The following ADAMTS6 variants were observed in gnomAD, a reference collection of about 807,000 sequenced individuals.
ADAMTS6 encodes ADAM metallopeptidase with thrombospondin type 1 motif 6.
In ADAMTS6, 23 loss-of-function variants were observed where a neutral mutation model predicts 144.3. The observed-to-expected ratio is 0.16, with a 90% confidence interval of 0.11 to 0.23. ADAMTS6 has a LOEUF of 0.23. ADAMTS6 is among the 10% of genes least tolerant of loss of function. The pLI is 1.00. For missense variants in ADAMTS6, 999 were observed against 1,379.6 expected, an observed-to-expected ratio of 0.72 and a Z score of 4.37; for synonymous variants, 444 against 457.5, an observed-to-expected ratio of 0.97 and a Z score of 0.38.
intron 15 of ADAMTS6, among the ~76,000 whole-genome samples, chr5:65,240,893 C>T (rs952369955): frequency 6.6e-6 from 1 of 152,118 alleles, no homozygotes; most frequent in Non-Finnish European, 1.5e-5. Context: ...TGGTCAAAAA[C>T]CAGAGAAAGC....
At chr5:65,208,812 T>C (rs975068488) in intron 20 of ADAMTS6, among the ~76,000 whole-genome samples, 3 of 152,222 alleles carry the variant, frequency 2.0e-5, no homozygotes, top group East Asian at 3.8e-4. Context: ...GATTATTACC[T>C]AAAAGACTTG....
intron 7 of ADAMTS6, among the ~76,000 whole-genome samples, chr5:65,387,463 A>G (rs1260795261): frequency 1.3e-5 from 2 of 152,204 alleles, no homozygotes; most frequent in East Asian, 3.9e-4. Context: ...TTTTAAATTA[A>G]AAGTTTAAAA....
chr5:65,213,626 A>G (rs943425986), intron 20 of ADAMTS6, among the ~76,000 whole-genome samples: 5 of 150,946 alleles, frequency 3.3e-5, no homozygotes, highest in Admixed American at 2.0e-4. Context: ...CAGAGCAAAA[A>G]CCTGTCTCAA....
In ADAMTS6 at chr5:65,458,928, A is replaced by G. The variant is rs141744435; in HGVS notation, c.631+1242T>C. Reference sequence around the variant, plus strand: ...TGGGTAACTAGTATGTGCTAAGATGAGCACTCAGAGAGGTTGGGTAATTCG... The same window carrying G: ...TGGGTAACTAGTATGTGCTAAGATGGGCACTCAGAGAGGTTGGGTAATTCG... On this transcript the variant is annotated intron_variant, in intron 4 of 24. Transcript: ENST00000381055. Among the ~76,000 whole-genome samples the G allele has an allele frequency of 4.5e-3, 689 of 152,328 alleles. 5 individuals are homozygous for G. The highest frequency in any genetic ancestry group is 0.015 in the African/African-American group (632 of 41,584).
Position 65,247,250 on chromosome 5 carries a change from T to C in ADAMTS6, c.1831-5044A>G, listed in dbSNP as rs561059403. On this transcript the variant is annotated intron_variant, in intron 14 of 24. Transcript: ENST00000381055. ...ATAGCATCTTTATCACCACTCTCTT[T>C]CCCAGAGATCTGTATAAGTTAACAA... Among the ~76,000 whole-genome samples the C allele has an allele frequency of 2.9e-4, 44 of 152,350 alleles. No individual in the cohort carries two copies. In the East Asian group the frequency reaches 8.3e-3, roughly 29 times the overall value.
At chr5:65,357,543 A>C (rs1004379670) in intron 7 of ADAMTS6, among the ~76,000 whole-genome samples, 2 of 151,816 alleles carry the variant, frequency 1.3e-5, no homozygotes, top group Non-Finnish European at 3.0e-5. Context: ...AAACAATAAA[A>C]AAGATCAATG....
intron 7 of ADAMTS6, among the ~76,000 whole-genome samples, chr5:65,427,152 A>G (rs1035697158): frequency 7.9e-5 from 12 of 152,204 alleles, no homozygotes; most frequent in African/African-American, 2.9e-4. Flanking sequence ...TAAAAATGCC[A>G]CTTCAAAATA....
chr5:65,460,070 T>C, intron 4 of ADAMTS6, 100 bp downstream of exon 4: 1 of 1,324,380 alleles, frequency 7.6e-7, no homozygotes, highest in Non-Finnish European at 1.0e-6. Context: ...GTAGTCAAAC[T>C]CCTACTTCCT....
chr5:65,280,696 T>G (rs1330097882), intron 11 of ADAMTS6, among the ~76,000 whole-genome samples: 1 of 152,206 alleles, frequency 6.6e-6, no homozygotes, highest in Non-Finnish European at 1.5e-5. Context: ...TTTAGTTGAG[T>G]TTATTAGTTT....
At chr5:65,246,213 CT>C (rs1444128421) in intron 14 of ADAMTS6, among the ~76,000 whole-genome samples, 1 of 152,180 alleles carries the variant, frequency 6.6e-6, no homozygotes, top group Non-Finnish European at 1.5e-5. Context: ...TATCCTTCTC[CT>C]TTCTTCTGGA....
intron 11 of ADAMTS6, among the ~76,000 whole-genome samples, chr5:65,274,964 G>A (rs539406054): frequency 1.6e-4 from 25 of 152,198 alleles, no homozygotes; most frequent in African/African-American, 5.5e-4. Context: ...GATTACAGGC[G>A]TGAGCCACCG....
chr5:65,311,030 A>G lies in ADAMTS6; in HGVS notation c.1224-10899T>C, dbSNP rs1744446859. On this transcript the variant is annotated intron_variant, in intron 9 of 24. Coordinates refer to ENST00000381055, the MANE Select transcript of ADAMTS6 (RefSeq NM_197941.4). The stretch of plus-strand genomic sequence containing the variant: ...GAAAAAAAAAAGATGTTCTTCCAGG[A>G]TAAGACTTTTGTTTTCATCATCACT... Among the ~76,000 whole-genome samples, 5 of 152,224 alleles carry G rather than the reference A, an allele frequency of 3.3e-5. No homozygotes were observed. The South Asian group carries it at 1.0e-3, about 32-fold the overall frequency.
chr5:65,293,946 T>A (rs190069277), intron 10 of ADAMTS6, among the ~76,000 whole-genome samples: 1 of 152,338 alleles, frequency 6.6e-6, no homozygotes, highest in Non-Finnish European at 1.5e-5. Context: ...CATATGGATC[T>A]TTAAAAATGA....
chr5:65,312,794 AGATGCCAGGTACCGGAG>A (rs1328293396), intron 9 of ADAMTS6, among the ~76,000 whole-genome samples: 3 of 152,026 alleles, frequency 2.0e-5, no homozygotes, highest in African/African-American at 7.2e-5. Flanking sequence ...GTCACTGTAA[AGATGCCAGGTACCGGAG>A]GAAGCTAGCT....
chr5:65,460,261 A>G lies in ADAMTS6; in HGVS notation c.540T>C (p.Phe180=). The part of the protein sequence containing the change: ...LKNTTEDSKH[F]SYENGHPHVI... Reference sequence around the variant, plus strand: ...CATGAGGGTGGCCATTTTCATAACTAAAATGCTTGGAATCCTCTGTGGTAT... The same window carrying G: ...CATGAGGGTGGCCATTTTCATAACTGAAATGCTTGGAATCCTCTGTGGTAT... The change falls in exon 4 of 25, where the codon TTT becomes TTC. Residue 180 remains phenylalanine (F), a synonymous_variant. Transcript: ENST00000381055. 6.2e-7 allele frequency: 1 copy of G among 1,614,104 alleles called. No homozygotes were observed. Among genetic ancestry groups the G allele is most frequent in the Non-Finnish European group, 8.5e-7 (1 of 1,179,942 alleles).
intron 20 of ADAMTS6, among the ~76,000 whole-genome samples, chr5:65,202,723 T>C (rs542410162): frequency 2.6e-5 from 4 of 152,320 alleles, no homozygotes; most frequent in African/African-American, 9.6e-5. Context: ...ATAGCCAAAT[T>C]TCATAGCCAA....
chr5:65,267,125 ACT>A (rs35025139), intron 12 of ADAMTS6, among the ~76,000 whole-genome samples: 44,325 of 151,728 alleles, frequency 0.29, 6,682 homozygotes, highest in Admixed American at 0.37. Flanking sequence ...ATCTGTTTTT[ACT>A]CTTTCTTTTA....
intron 9 of ADAMTS6, among the ~76,000 whole-genome samples, chr5:65,316,210 C>A (rs920363831): frequency 1.3e-5 from 2 of 152,134 alleles, no homozygotes; most frequent in South Asian, 4.1e-4. Context: ...CCACGCCCAG[C>A]CTATAGTTAG....
intron 7 of ADAMTS6, among the ~76,000 whole-genome samples, chr5:65,408,424 G>A (rs1754761857): frequency 6.6e-6 from 1 of 152,110 alleles, no homozygotes; most frequent in African/African-American, 2.4e-5. Flanking sequence ...AATGGTAAAG[G>A]GATCAATTCA....
Sources: allele counts gnomAD v4.1 joint callset (sites outside exome capture counted in the v4.1 genomes callset), GRCh38; gene constraint gnomAD v4.1.1; transcripts MANE v1.5; gene names NCBI Gene and HGNC (gene_info 2026-07-23, HGNC 2026-07-21).